The following ARHGAP44 variants were observed in gnomAD, a reference collection of about 807,000 sequenced individuals.
ARHGAP44 encodes rho GTPase-activating protein 44.
In ARHGAP44, 43 loss-of-function variants were observed where a neutral mutation model predicts 106.8. The ratio of observed to expected loss-of-function variants is 0.40; its 90% confidence interval spans 0.32 to 0.52. The LOEUF is 0.52. Among genes scored for constraint, ARHGAP44 ranks in the 20% least tolerant of loss-of-function variants. The pLI is 0.48. For synonymous variants in ARHGAP44, 439 were observed against 410.3 expected (o/e 1.07, Z -0.85); for missense variants, 866 against 1,050.5 (o/e 0.82, Z 2.43).
Position 12,789,789 on chromosome 17 carries a change from G to T in ARHGAP44, c.-50G>T, listed in dbSNP as rs759359305. The T allele has an allele frequency of 4.6e-5, 68 of 1,473,910 alleles. No individual in the cohort carries two copies. The Middle Eastern group carries it at 7.1e-4, about 15-fold the overall frequency. The allele number at this position is 1,473,910 out of a possible 1,614,324, so 91.3% of individuals were successfully genotyped here. A position where few individuals can be genotyped will look rare whatever the true frequency, so the allele number is the denominator to read the frequency against. On this transcript the variant is annotated 5_prime_UTR_variant, in exon 1 of 21. Coordinates refer to ENST00000379672, the MANE Select transcript of ARHGAP44 (RefSeq NM_014859.6). ...CATGTAACCCTGCGGCGGGCTCCGG[G>T]CTGCTCCGTCCTTCCCCAGCTCCCG... is the stretch of plus-strand genomic sequence containing the variant.
chr17:12,970,976 T>C (rs2143305063), intron 16 of ARHGAP44, among the ~76,000 whole-genome samples: 1 of 152,330 alleles, frequency 6.6e-6, no homozygotes, highest in African/African-American at 2.4e-5. Context: ...CCGTTGTGAT[T>C]GATTTACTGT....
intron 6 of ARHGAP44, among the ~76,000 whole-genome samples, chr17:12,920,512 AG>A (rs2038051260): frequency 6.6e-6 from 1 of 152,136 alleles, no homozygotes; most frequent in Non-Finnish European, 1.5e-5. Flanking sequence ...GATGATGAGA[AG>A]GTGGCAGCCT....
intron 7 of ARHGAP44, among the ~76,000 whole-genome samples, chr17:12,935,717 T>G (rs1232633544): frequency 6.6e-6 from 1 of 152,152 alleles, no homozygotes; most frequent in African/African-American, 2.4e-5. Flanking sequence ...ATGGAATCGA[T>G]TTTAGTAAAC....
chr17:12,833,259 G>A (rs1459583532), intron 1 of ARHGAP44, among the ~76,000 whole-genome samples: 1 of 152,130 alleles, frequency 6.6e-6, no homozygotes, highest in African/African-American at 2.4e-5. Flanking sequence ...TCTGTGTAAG[G>A]CTTTAGCACT....
At chr17:12,890,471 G>A (rs1350196644) in intron 1 of ARHGAP44, among the ~76,000 whole-genome samples, 1 of 152,188 alleles carries the variant, frequency 6.6e-6, no homozygotes, top group Non-Finnish European at 1.5e-5. Flanking sequence ...GGCAGCCAAG[G>A]AGCTCTGCAC....
At chr17:12,897,927 T>C (rs2037261753) in intron 3 of ARHGAP44, among the ~76,000 whole-genome samples, 1 of 152,012 alleles carries the variant, frequency 6.6e-6, no homozygotes, top group South Asian at 2.1e-4. Context: ...TTGAGAGTCT[T>C]ACGTATTATA....
rs941096648 is a variant in ARHGAP44, at chr17:12,923,193, T to C, written c.464+3362T>C. Among the ~76,000 whole-genome samples, 21 of 152,270 alleles carry C rather than the reference T, an allele frequency of 1.4e-4. 1 individual carries two copies. The highest frequency in any genetic ancestry group is 3.1e-4 in the African/African-American group (13 of 41,556). On this transcript the variant is annotated intron_variant, in intron 6 of 20. Transcript: ENST00000379672. ...CAGTTGTGAGTTTAGGGATAGGGAA[T>C]TGCTTTGGGGGATTGTTTGTTTTTT...
intron 1 of ARHGAP44, among the ~76,000 whole-genome samples, chr17:12,858,857 T>G (rs2035984136): frequency 6.6e-6 from 1 of 152,126 alleles, no homozygotes; most frequent in Non-Finnish European, 1.5e-5. Context: ...ACAGTCATGG[T>G]GGAAGGTGAA....
At chr17:12,819,996 G>A (rs2034719441) in intron 1 of ARHGAP44, among the ~76,000 whole-genome samples, 1 of 152,074 alleles carries the variant, frequency 6.6e-6, no homozygotes, top group Admixed American at 6.6e-5. Context: ...GCCATAGAAG[G>A]AGATATTCTG....
chr17:12,917,854 C>T (rs911351919), intron 5 of ARHGAP44, among the ~76,000 whole-genome samples: 7 of 152,098 alleles, frequency 4.6e-5, no homozygotes, highest in African/African-American at 7.2e-5. Context: ...TAGCTACGTG[C>T]GGTTAGAGGC....
intron 1 of ARHGAP44, among the ~76,000 whole-genome samples, chr17:12,812,988 T>C (rs1476793737): frequency 6.6e-6 from 1 of 152,244 alleles, no homozygotes; most frequent in Non-Finnish European, 1.5e-5. Context: ...GCAGGTCCCA[T>C]GCACACATGC....
intron 3 of ARHGAP44, among the ~76,000 whole-genome samples, chr17:12,902,041 C>T (rs1818203756): frequency 1.3e-5 from 2 of 152,306 alleles, no homozygotes; most frequent in South Asian, 2.1e-4. Flanking sequence ...TCTCTGCAAG[C>T]GCAGGAGCCA....
chr17:12,840,481 T>C (rs1486626272), intron 1 of ARHGAP44, among the ~76,000 whole-genome samples: 2 of 152,228 alleles, frequency 1.3e-5, no homozygotes, highest in African/African-American at 4.8e-5. Context: ...ATCAGTCTTT[T>C]AGTTGCTTTC....
intron 8 of ARHGAP44, among the ~76,000 whole-genome samples, chr17:12,942,397 C>T (rs1315809591): frequency 2.6e-5 from 4 of 152,314 alleles, no homozygotes; most frequent in South Asian, 2.1e-4. Context: ...TACCTCACCT[C>T]AGCCTCCCAA....
chr17:12,956,843 C>CTTT, intron 15 of ARHGAP44, 97 bp downstream of exon 15: 1 of 792,688 alleles, frequency 1.3e-6, no homozygotes, highest in Non-Finnish European at 1.9e-6. Flanking sequence ...TGCCCACAGG[C>CTTT]TTTTTTTTTT....
At chr17:12,851,875 C>T (rs946800103) in intron 1 of ARHGAP44, among the ~76,000 whole-genome samples, 3 of 151,996 alleles carry the variant, frequency 2.0e-5, no homozygotes, top group South Asian at 2.1e-4. Context: ...GCATCTGAGT[C>T]GAAAGGAGGC....
chr17:12,900,058 T>C (rs2037329255), intron 3 of ARHGAP44, among the ~76,000 whole-genome samples: 1 of 152,218 alleles, frequency 6.6e-6, no homozygotes, highest in African/African-American at 2.4e-5. Context: ...TGAGTAAAAC[T>C]GGATTCCTTA....
intron 16 of ARHGAP44, among the ~76,000 whole-genome samples, chr17:12,963,428 A>C (rs2039311736): frequency 6.6e-6 from 1 of 152,202 alleles, no homozygotes; most frequent in Non-Finnish European, 1.5e-5. Context: ...GGAAGTCCCC[A>C]GCCCTCAAGC....
At chr17:12,976,055 A>G (rs191107729) in intron 18 of ARHGAP44, among the ~76,000 whole-genome samples, 69 of 152,300 alleles carry the variant, frequency 4.5e-4, no homozygotes, top group African/African-American at 1.4e-3. Context: ...TTAGAACACC[A>G]GAAAAGCAAT....
Sources: gnomAD v4.1 joint callset for allele counts (sites outside exome capture counted in the v4.1 genomes callset) on GRCh38, gnomAD v4.1.1 for gene constraint, MANE v1.5 for transcripts, NCBI Gene and HGNC (gene_info 2026-07-23, HGNC 2026-07-21) for gene names.